BBX: variants seen among roughly 807,000 people sequenced by gnomAD.
The protein encoded by BBX is HMG box transcription factor BBX.
BBX carries 30 observed loss-of-function variants against 100.2 expected under a neutral mutation model. The ratio of observed to expected loss-of-function variants is 0.30; its 90% CI spans 0.22 to 0.41. BBX has a LOEUF of 0.41. BBX is among the 10% of genes least tolerant of loss of function. The pLI is 1.00. For synonymous variants in BBX, 376 were observed against 388.1 expected (o/e 0.97, Z 0.37); for missense variants, 1,023 against 1,129.8 (o/e 0.91, Z 1.35).
chr3:107,779,974 C>T (rs1480965869), intron 13 of BBX, among the ~76,000 whole-genome samples: 8 of 152,110 alleles, frequency 5.3e-5, no homozygotes, highest in Non-Finnish European at 1.0e-4. Context: ...GAATAAAGAA[C>T]TAAAAAAGAA....
chr3:107,721,652 G>A (rs2107438574), intron 5 of BBX, among the ~76,000 whole-genome samples: 1 of 151,976 alleles, frequency 6.6e-6, no homozygotes, highest in East Asian at 1.9e-4. Flanking sequence ...GTTTGCTTTT[G>A]GAATGATAAT....
intron 5 of BBX, among the ~76,000 whole-genome samples, chr3:107,718,165 AATT>A (rs2062240438): frequency 6.7e-6 from 1 of 148,706 alleles, no homozygotes; most frequent in Non-Finnish European, 1.5e-5. Context: ...AATTATTAAT[AATT>A]ATATTACCAT....
chr3:107,571,893 G>A (rs920967557), intron 2 of BBX, among the ~76,000 whole-genome samples: 4 of 152,232 alleles, frequency 2.6e-5, no homozygotes, highest in East Asian at 1.9e-4. Flanking sequence ...TGTGTGGTAC[G>A]TATGTGCATG....
At chr3:107,790,773 G>T (rs1204982938) in intron 14 of BBX, among the ~76,000 whole-genome samples, 1 of 152,140 alleles carries the variant, frequency 6.6e-6, no homozygotes, top group Non-Finnish European at 1.5e-5. Context: ...GGCTTTAAAC[G>T]CAGCTGTCTC....
chr3:107,654,546 T>C (rs1297467303), intron 3 of BBX, among the ~76,000 whole-genome samples: 4 of 152,240 alleles, frequency 2.6e-5, no homozygotes, highest in African/African-American at 7.2e-5. Context: ...TATAAAGATC[T>C]TGATTCTTAC....
intron 2 of BBX, among the ~76,000 whole-genome samples, chr3:107,610,623 T>C (rs2107652793): frequency 6.6e-6 from 1 of 152,290 alleles, no homozygotes; most frequent in Non-Finnish European, 1.5e-5. Context: ...CTTCTAGTTT[T>C]GGTCTTGAAT....
intron 2 of BBX, among the ~76,000 whole-genome samples, chr3:107,542,261 A>G (rs534691474): frequency 2.6e-5 from 4 of 152,324 alleles, no homozygotes; most frequent in South Asian, 2.1e-4. Flanking sequence ...CAGAACTTCT[A>G]TTTATTTAAA....
intron 2 of BBX, among the ~76,000 whole-genome samples, chr3:107,532,405 AAC>A (rs2048223911): frequency 6.6e-6 from 1 of 152,188 alleles, no homozygotes; most frequent in Non-Finnish European, 1.5e-5. Flanking sequence ...ATACTTAATA[AAC>A]ACATGGAAAA....
chr3:107,756,790 A>G (rs934400265), intron 10 of BBX, among the ~76,000 whole-genome samples: 1 of 152,210 alleles, frequency 6.6e-6, no homozygotes, highest in Non-Finnish European at 1.5e-5. Context: ...GTGACTGGAA[A>G]ACTCTAAGGA....
chr3:107,527,184 A>C (rs2047841701), intron 2 of BBX, among the ~76,000 whole-genome samples: 1 of 152,210 alleles, frequency 6.6e-6, no homozygotes, highest in South Asian at 2.1e-4. Flanking sequence ...CAGCACAGTG[A>C]GCCTAATCTG....
At chr3:107,690,885 C>CA (rs1342238550) in intron 3 of BBX, among the ~76,000 whole-genome samples, 1 of 66,820 alleles carries the variant, frequency 1.5e-5, no homozygotes, top group South Asian at 8.8e-4. Flanking sequence ...CTTTGATGCC[C>CA]CCCCCCCTTT....
At chr3:107,707,866 TTAAA>T (rs2061479418) in intron 3 of BBX, among the ~76,000 whole-genome samples, 1 of 152,206 alleles carries the variant, frequency 6.6e-6, no homozygotes, top group Admixed American at 6.5e-5. Context: ...TCACACATAG[TTAAA>T]TAATAATTTA....
chr3:107,789,877 G>T lies in BBX; in HGVS notation c.2293+1G>T. On this transcript the variant is annotated splice_donor_variant, in intron 14 of 17. Transcript: ENST00000325805. LOFTEE classifies it high-confidence loss of function. Reference sequence around the variant, plus strand: ...GAGAAGCCCAATGTTCCGGAAAAAGGTATTGGTGCCCTCCATCCTCCATGA... The same window carrying T: ...GAGAAGCCCAATGTTCCGGAAAAAGTTATTGGTGCCCTCCATCCTCCATGA... 1 of 1,545,210 alleles carries T rather than the reference G, an allele frequency of 6.5e-7. No homozygotes were observed. The highest frequency in any genetic ancestry group is 2.0e-5 in the Admixed American group (1 of 50,846).
At chr3:107,621,377 A>G (rs1055425595) in intron 2 of BBX, among the ~76,000 whole-genome samples, 3 of 152,156 alleles carry the variant, frequency 2.0e-5, no homozygotes, top group African/African-American at 4.8e-5. Flanking sequence ...TGCCTTTCAC[A>G]GTCTTCTTAA....
chr3:107,785,046 A>G (rs1232392315), intron 13 of BBX, among the ~76,000 whole-genome samples: 3 of 151,790 alleles, frequency 2.0e-5, no homozygotes, highest in East Asian at 3.9e-4. Flanking sequence ...AAGCCAATAG[A>G]TGAGATAACA....
chr3:107,732,894 G>T, intron 6 of BBX, 62 bp from the exon 7 acceptor site: 1 of 1,347,078 alleles, frequency 7.4e-7, no homozygotes, highest in South Asian at 1.2e-5. Context: ...TATTCTTTTT[G>T]ACTCTGTGGA....
At chr3:107,535,473 A>G (rs2048427522) in intron 2 of BBX, among the ~76,000 whole-genome samples, 1 of 151,898 alleles carries the variant, frequency 6.6e-6, no homozygotes, top group African/African-American at 2.4e-5. Context: ...AGAAATGTCT[A>G]TGGCAGCTGT....
intron 3 of BBX, among the ~76,000 whole-genome samples, chr3:107,677,235 C>T (rs1029790682): frequency 6.6e-6 from 1 of 152,072 alleles, no homozygotes; most frequent in Non-Finnish European, 1.5e-5. Flanking sequence ...GCATAGAAAA[C>T]TGGTCCCCTG....
intron 13 of BBX, among the ~76,000 whole-genome samples, chr3:107,787,008 A>C (rs994413352): frequency 1.3e-5 from 2 of 152,232 alleles, no homozygotes; most frequent in Admixed American, 1.3e-4. Flanking sequence ...TAAGATATAT[A>C]ACAAATACGT....
Sources: gnomAD v4.1 joint callset for allele counts (sites outside exome capture counted in the v4.1 genomes callset) on GRCh38, gnomAD v4.1.1 for gene constraint, MANE v1.5 for transcripts, NCBI Gene and HGNC (gene_info 2026-07-23, HGNC 2026-07-21) for gene names.